The following ACACB variants were observed in gnomAD, a reference collection of about 807,000 sequenced individuals.
The protein encoded by ACACB is acetyl-CoA carboxylase beta, also known as acetyl-CoA carboxylase 2.
ACACB carries 209 observed loss-of-function variants against 278.8 expected under a neutral mutation model. The observed-to-expected ratio is 0.75, with a 90% CI of 0.67 to 0.84. The LOEUF (loss-of-function observed/expected upper bound fraction) is 0.84. Among genes scored for constraint, ACACB ranks in the 40% least tolerant of loss-of-function variants. The pLI is 0.00. For missense variants in ACACB, 2,850 were observed against 3,269.0 expected, an observed-to-expected ratio of 0.87 and a Z score of 3.13; for synonymous variants, 1,174 against 1,285.6, an observed-to-expected ratio of 0.91 and a Z score of 1.86.
At chr12:109,224,264 A>G (rs1164364503) in intron 27 of ACACB, among the ~76,000 whole-genome samples, 1 of 151,916 alleles carries the variant, frequency 6.6e-6, no homozygotes, top group Non-Finnish European at 1.5e-5. Flanking sequence ...CACCTCATCT[A>G]AACTTTCTGA....
At position 109,209,369 on chromosome 12, in the gene ACACB, C is replaced by T; in HGVS notation, c.3249+16C>T. On this transcript the variant is annotated intron_variant, in intron 21 of 52. Coordinates refer to ENST00000338432, the MANE Select transcript of ACACB (RefSeq NM_001093.4). ...CAGCCAGCAGGTGCGTGCTCCCCTG[C>T]CCAGCCCCACCCCACCAGGATGGTC... The T allele has an allele frequency of 1.9e-6, 3 of 1,596,506 alleles. No homozygotes were observed. Among genetic ancestry groups the T allele is most frequent in the South Asian group, 1.1e-5 (1 of 89,032 alleles).
rs189415755 is a variant in ACACB, at chr12:109,237,706, C to T, written c.4662+326C>T. ...ACTGAGTGATCGTTTTCCATTGTTT[C>T]TTGCATTTAGAAAAGTAATCCATGG... On this transcript the variant is annotated intron_variant, in intron 34 of 52. Coordinates refer to ENST00000338432, the MANE Select transcript of ACACB (RefSeq NM_001093.4). Among the ~76,000 whole-genome samples the T allele has an allele frequency of 7.2e-4, 110 of 152,182 alleles. 1 individual carries two copies. Among genetic ancestry groups the T allele is most frequent in the African/African-American group, 2.6e-3 (107 of 41,520 alleles).
chr12:109,130,476 G>A (rs7305012), intron 1 of ACACB, among the ~76,000 whole-genome samples: 30,413 of 152,112 alleles, frequency 0.2, 3,041 homozygotes, highest in East Asian at 0.34. Context: ...GCCTGGAGCC[G>A]GGGATCTTGG....
At chr12:109,210,205 A>G (rs562087386) in intron 21 of ACACB, among the ~76,000 whole-genome samples, 1 of 72,972 alleles carries the variant, frequency 1.4e-5, no homozygotes, top group Non-Finnish European at 2.5e-5. Context: ...ATATGTATAT[A>G]TGTATATATA....
intron 13 of ACACB, among the ~76,000 whole-genome samples, chr12:109,188,964 C>A (rs1216337569): frequency 6.6e-6 from 1 of 152,120 alleles, no homozygotes; most frequent in Non-Finnish European, 1.5e-5. Flanking sequence ...CTGTGAACCA[C>A]CCACCACTCT....
At chr12:109,248,273 C>T (rs2047002332) in intron 40 of ACACB, among the ~76,000 whole-genome samples, 2 of 152,124 alleles carry the variant, frequency 1.3e-5, no homozygotes, top group African/African-American at 4.8e-5. Context: ...CTGTAGCATG[C>T]TGTATTAGTC....
At position 109,260,482 on chromosome 12, in the gene ACACB, A is replaced by C. The variant is rs1047587347; in HGVS notation, c.6499A>C (p.Met2167Leu). 5.0e-6 allele frequency: 8 copies of C among 1,614,052 alleles called. No individual in the cohort carries two copies. The African/African-American group carries it at 1.1e-4, about 22-fold the overall frequency. ...TGGGAGGCTGCTTTGCTTTTCAGAC[A>C]TGTATGACCAGGTGCTGAAGTTTGG... ...WRGFSGGMKD[M>L]YDQVLKFGAY... The change falls in exon 48 of 53, where the codon ATG becomes CTG. Residue 2167 changes from methionine (M) to leucine (L), a missense_variant and splice_region_variant. By Grantham distance (15) the Met-to-Leu change is conservative (BLOSUM62 2). Around this residue, in one of 3 missense-constraint regions of ACACB, gnomAD observed 579 missense variants for 684.6 expected, o/e 0.85. Transcript: ENST00000338432.
intron 39 of ACACB, among the ~76,000 whole-genome samples, chr12:109,247,253 G>A (rs997655276): frequency 6.6e-6 from 1 of 151,718 alleles, no homozygotes; most frequent in African/African-American, 2.4e-5. Context: ...CCCCCAAGAA[G>A]ACAGAAAAAT....
At chr12:109,163,368 C>T (rs1168571112) in intron 2 of ACACB, among the ~76,000 whole-genome samples, 1 of 152,128 alleles carries the variant, frequency 6.6e-6, no homozygotes, top group Non-Finnish European at 1.5e-5. Flanking sequence ...ATGTTGCACT[C>T]ATAGGAAGAG....
At chr12:109,164,090 G>A (rs1468446719) in intron 2 of ACACB, among the ~76,000 whole-genome samples, 2 of 152,194 alleles carry the variant, frequency 1.3e-5, no homozygotes, top group Non-Finnish European at 2.9e-5. Flanking sequence ...TGGGGACAGA[G>A]GGACGCTCCT....
At chr12:109,133,901 G>GT (rs36101609) in intron 1 of ACACB, among the ~76,000 whole-genome samples, 2,536 of 93,008 alleles carry the variant, frequency 0.027, 134 homozygotes, top group African/African-American at 0.11. Context: ...CAGCACACAG[G>GT]TTTTTTTTTT....
chr12:109,186,687 C>T (rs527973579), intron 12 of ACACB, among the ~76,000 whole-genome samples: 1 of 152,034 alleles, frequency 6.6e-6, no homozygotes, highest in Non-Finnish European at 1.5e-5. Flanking sequence ...GAGGGTACAC[C>T]TCCACCCCTT....
chr12:109,113,149 T>G (rs2042341746), upstream of ACACB: 1 of 152,262 alleles, frequency 6.6e-6, no homozygotes, highest in African/African-American at 2.4e-5. Context: ...GACCCCTGTG[T>G]GTACTCACTG....
chr12:109,232,950 T>C, intron 29 of ACACB, 144 bp downstream of exon 29: 2 of 986,524 alleles, frequency 2.0e-6, no homozygotes, highest in East Asian at 2.7e-5. Context: ...AGAATAATAA[T>C]AGCATTGTAG....
At chr12:109,178,982 C>G in intron 9 of ACACB, 106 bp from the exon 10 acceptor site, 1 of 1,055,990 alleles carries the variant, frequency 9.5e-7, no homozygotes, top group East Asian at 2.6e-5. Context: ...GGATGAGTAC[C>G]CTAAACACAT....
At chr12:109,120,357 T>C (rs778248769) in intron 1 of ACACB, among the ~76,000 whole-genome samples, 13 of 152,232 alleles carry the variant, frequency 8.5e-5, no homozygotes, top group African/African-American at 1.2e-4. Context: ...CTAGAAATGT[T>C]ATTTTTTGGC....
Position 109,237,375 on chromosome 12 carries a change from A to G in ACACB, c.4657A>G (p.Thr1553Ala), listed in dbSNP as rs146039140. 3 of 1,613,614 alleles carry G rather than the reference A, an allele frequency of 1.9e-6. No individual in the cohort carries two copies. Among genetic ancestry groups the G allele is most frequent in the African/African-American group, 1.3e-5 (1 of 74,926 alleles). Residue 1553 changes from threonine (T) to alanine (A), a missense_variant, in exon 34 of 53, where the codon ACA becomes GCA. By Grantham distance (58) the Thr-to-Ala change is moderately conservative (BLOSUM62 0). Coordinates refer to ENST00000338432, the MANE Select transcript of ACACB (RefSeq NM_001093.4). The stretch of plus-strand genomic sequence containing the variant: ...CATCATCAGGCACTCTGACCTGATC[A>G]CAAAGGTAAGATGTCGCAGAGCATT... ...RAIIRHSDLI[T>A]KEASFEYLQN...
Position 109,200,790 on chromosome 12 carries a change from A to G in ACACB, c.2779-777A>G, listed in dbSNP as rs528163523. 4.9e-4 allele frequency among the ~76,000 whole-genome samples: 75 copies of G among 152,348 alleles called. No individual in the cohort carries two copies. In the South Asian group the frequency reaches 0.015, roughly 31 times the overall value. ...CAATAATAGCAATGAAAATACATCAATAATAGTAGCTACTGCATATTGACC... is the reference window on the plus strand; with the variant it reads ...CAATAATAGCAATGAAAATACATCAGTAATAGTAGCTACTGCATATTGACC... On this transcript the variant is annotated intron_variant, in intron 18 of 52. Coordinates refer to ENST00000338432, the MANE Select transcript of ACACB (RefSeq NM_001093.4).
intron 28 of ACACB, among the ~76,000 whole-genome samples, chr12:109,231,827 C>T (rs1032579987): frequency 1.3e-5 from 2 of 152,156 alleles, no homozygotes; most frequent in East Asian, 1.9e-4. Context: ...CTTCCAGCCC[C>T]GCACCAGGGA....
Sources: allele counts gnomAD v4.1 joint callset (sites outside exome capture counted in the v4.1 genomes callset), GRCh38; gene constraint gnomAD v4.1.1; regional missense constraint gnomAD v4.1.1; transcripts MANE v1.5; gene names NCBI Gene and HGNC (gene_info 2026-07-23, HGNC 2026-07-21).